The following CELF4 variants were observed in gnomAD, a reference collection of about 807,000 sequenced individuals.
CELF4 encodes the protein CUG-BP- and ETR-3-like factor 4.
CELF4 carries 18 observed loss-of-function variants against 59.9 expected under a neutral mutation model. That is an observed-to-expected ratio of 0.30 (90% CI 0.21 to 0.45). The LOEUF (loss-of-function observed/expected upper bound fraction) is 0.45, where lower values mean the gene tolerates loss of function less well. Ranked by LOEUF, CELF4 falls within the 20% of genes least tolerant of loss-of-function variation. CELF4 has a pLI of 1.00. For missense variants in CELF4, 456 were observed against 689.0 expected (o/e 0.66, Z 3.79); for synonymous variants, 261 against 267.1 (o/e 0.98, Z 0.22).
At chr18:37,385,242 G>A (rs969696945) in intron 2 of CELF4, among the ~76,000 whole-genome samples, 3 of 151,698 alleles carry the variant, frequency 2.0e-5, no homozygotes, top group Non-Finnish European at 2.9e-5. Context: ...CAGCTACTCC[G>A]GAGGCTGAAG....
intron 2 of CELF4, among the ~76,000 whole-genome samples, chr18:37,332,122 C>T (rs1208459248): frequency 2.6e-5 from 4 of 152,122 alleles, no homozygotes; most frequent in East Asian, 1.9e-4. Context: ...GCACCAGGTG[C>T]CTTCCCCACC....
intron 2 of CELF4, among the ~76,000 whole-genome samples, chr18:37,329,359 G>T (rs1350135426): frequency 6.6e-6 from 1 of 152,238 alleles, no homozygotes; most frequent in Non-Finnish European, 1.5e-5. Flanking sequence ...GGACTGATGT[G>T]TCAAGCCCCA....
At chr18:37,351,648 T>C (rs1338568820) in intron 2 of CELF4, among the ~76,000 whole-genome samples, 2 of 148,244 alleles carry the variant, frequency 1.3e-5, no homozygotes, top group Non-Finnish European at 3.0e-5. Context: ...TCTCACTCTA[T>C]CGCCCAGGCT....
chr18:37,337,536 C>T (rs2097814334), intron 2 of CELF4, among the ~76,000 whole-genome samples: 1 of 152,176 alleles, frequency 6.6e-6, no homozygotes, highest in East Asian at 1.9e-4. Flanking sequence ...ATTTGTTCAC[C>T]CACCCATCTG....
In CELF4 at chr18:37,400,155, C is replaced by CTT. The variant is rs1292822829; in HGVS notation, c.370-78275_370-78274insAA. Reference sequence around the variant, plus strand: ...CAGTTGAAAGGCCTTAAAAGCAAAACTGAGGTTTCTTTGAGGAAGAAGAAA... The same window carrying CTT: ...CAGTTGAAAGGCCTTAAAAGCAAAACTTTGAGGTTTCTTTGAGGAAGAAGAAA... On this transcript the variant is annotated intron_variant, in intron 2 of 12. Coordinates refer to ENST00000420428, the MANE Select transcript of CELF4 (RefSeq NM_020180.4). 3.3e-5 allele frequency among the ~76,000 whole-genome samples: 5 copies of CTT among 152,176 alleles called. No homozygotes were observed. The East Asian group carries it at 9.6e-4, about 29-fold the overall frequency.
At chr18:37,416,758 G>A (rs1250331845) in intron 2 of CELF4, among the ~76,000 whole-genome samples, 4 of 152,204 alleles carry the variant, frequency 2.6e-5, no homozygotes, top group Non-Finnish European at 5.9e-5. Context: ...ACAGGCTGTG[G>A]TCTTCCTCTC....
chr18:37,371,519 T>A (rs1298200844), intron 2 of CELF4, among the ~76,000 whole-genome samples: 1 of 152,218 alleles, frequency 6.6e-6, no homozygotes, highest in Admixed American at 6.5e-5. Context: ...GAAAGATCCC[T>A]CCTTTCCAGA....
chr18:37,255,406 C>CT (rs2068617364), intron 11 of CELF4, among the ~76,000 whole-genome samples: 1 of 151,852 alleles, frequency 6.6e-6, no homozygotes, highest in Non-Finnish European at 1.5e-5. Context: ...TCCTGCCTTG[C>CT]TCAAGTTTGC....
At chr18:37,511,805 T>C (rs534359739) in intron 1 of CELF4, among the ~76,000 whole-genome samples, 1 of 152,168 alleles carries the variant, frequency 6.6e-6, no homozygotes, top group Non-Finnish European at 1.5e-5. Flanking sequence ...AACTTCAGCA[T>C]CTCCACCCAC....
intron 3 of CELF4, among the ~76,000 whole-genome samples, chr18:37,293,758 T>TG (rs2095483436): frequency 6.6e-6 from 1 of 152,204 alleles, no homozygotes; most frequent in South Asian, 2.1e-4. Flanking sequence ...GGTTATCTGA[T>TG]GGGCTAGAGG....
chr18:37,446,137 G>A (rs907355174), intron 2 of CELF4, among the ~76,000 whole-genome samples: 7 of 152,204 alleles, frequency 4.6e-5, no homozygotes, highest in African/African-American at 7.2e-5. Flanking sequence ...TAGCAGGAGC[G>A]GACTAACGTG....
Position 37,263,597 on chromosome 18 carries a change from G to A in CELF4, c.1249+1077C>T, listed in dbSNP as rs559060816. On this transcript the variant is annotated intron_variant, in intron 10 of 12. Coordinates refer to ENST00000420428, the MANE Select transcript of CELF4 (RefSeq NM_020180.4). ...AGGCCCACAGAGTCCCAGACGGTGCGCCTGTTCATCCAGCCTCCTGTCTTC... is the reference window on the plus strand; with the variant it reads ...AGGCCCACAGAGTCCCAGACGGTGCACCTGTTCATCCAGCCTCCTGTCTTC... Among the ~76,000 whole-genome samples, 5 of 152,084 alleles carry A rather than the reference G, an allele frequency of 3.3e-5. No individual in the cohort carries two copies. In the East Asian group the frequency reaches 7.8e-4, roughly 24 times the overall value.
chr18:37,266,083 G>A (rs1244895619), intron 9 of CELF4: 1 of 236,600 alleles, frequency 4.2e-6, no homozygotes, highest in East Asian at 1.3e-4. Flanking sequence ...ATGGGGAAAC[G>A]GCATCTCTTC....
intron 2 of CELF4, among the ~76,000 whole-genome samples, chr18:37,479,669 G>A (rs2099860885): frequency 6.6e-6 from 1 of 152,126 alleles, no homozygotes; most frequent in Non-Finnish European, 1.5e-5. Context: ...CCATGACTCA[G>A]ACACTATTGT....
At chr18:37,462,065 TG>T (rs2099795071) in intron 2 of CELF4, among the ~76,000 whole-genome samples, 2 of 152,060 alleles carry the variant, frequency 1.3e-5, no homozygotes, top group African/African-American at 4.8e-5. Flanking sequence ...CTACAGCAAA[TG>T]GGTGGCAGAG....
intron 2 of CELF4, among the ~76,000 whole-genome samples, chr18:37,394,270 GGA>G (rs1055061702): frequency 1.3e-5 from 2 of 152,242 alleles, no homozygotes; most frequent in African/African-American, 4.8e-5. Flanking sequence ...CGCAGAGCAG[GGA>G]GAGGGACGCG....
chr18:37,493,410 C>T (rs1453713926), intron 1 of CELF4, among the ~76,000 whole-genome samples: 1 of 152,216 alleles, frequency 6.6e-6, no homozygotes, highest in Non-Finnish European at 1.5e-5. Flanking sequence ...TGTAAATACT[C>T]TATTATAGGA....
intron 2 of CELF4, among the ~76,000 whole-genome samples, chr18:37,447,615 C>T (rs986109541): frequency 6.6e-6 from 1 of 152,228 alleles, no homozygotes; most frequent in Non-Finnish European, 1.5e-5. Context: ...ACATCCTTGG[C>T]TGCTGGAGGG....
At chr18:37,553,406 G>T (rs141777845) in intron 1 of CELF4, among the ~76,000 whole-genome samples, 1 of 152,134 alleles carries the variant, frequency 6.6e-6, no homozygotes, top group Non-Finnish European at 1.5e-5. Flanking sequence ...ACGTGTGTGC[G>T]TCTTGTGGGG....
Sources: allele counts gnomAD v4.1 joint callset (sites outside exome capture counted in the v4.1 genomes callset), GRCh38; gene constraint gnomAD v4.1.1; transcripts MANE v1.5; gene names NCBI Gene and HGNC (gene_info 2026-07-23, HGNC 2026-07-21).